The following MAPK10 variants were observed in gnomAD, a reference collection of about 807,000 sequenced individuals.
MAPK10 encodes mitogen-activated protein kinase 10.
A neutral mutation model predicts 59.3 loss-of-function variants in MAPK10; 25 were observed. That is an observed-to-expected ratio of 0.42 (90% CI 0.31 to 0.59). The LOEUF is 0.59. Among genes scored for constraint, MAPK10 ranks in the 20% least tolerant of loss-of-function variants. The pLI is 0.15. For synonymous variants in MAPK10, 190 were observed against 200.5 expected (o/e 0.95, Z 0.44); for missense variants, 351 against 568.9 (o/e 0.62, Z 3.90).
chr4:86,302,055 TTTTA>T (rs1200684930), intron 2 of MAPK10, among the ~76,000 whole-genome samples: 3 of 152,104 alleles, frequency 2.0e-5, no homozygotes, highest in African/African-American at 7.2e-5. Context: ...CCAGTTGCAA[TTTTA>T]TTTTTCTGCT....
intron 2 of MAPK10, among the ~76,000 whole-genome samples, chr4:86,226,195 T>C (rs946771107): frequency 6.6e-6 from 1 of 152,222 alleles, no homozygotes; most frequent in African/African-American, 2.4e-5. Context: ...CTGGCAGGCA[T>C]GATTTTATAG....
chr4:86,546,677 C>T (rs561381489), intron 1 of MAPK10, among the ~76,000 whole-genome samples: 5 of 152,270 alleles, frequency 3.3e-5, no homozygotes, highest in Middle Eastern at 3.4e-3. Context: ...ATGAGGCCAG[C>T]CCTACTCCAA....
chr4:86,249,163 T>C (rs2093282028), intron 2 of MAPK10, among the ~76,000 whole-genome samples: 2 of 151,058 alleles, frequency 1.3e-5, no homozygotes, highest in South Asian at 4.2e-4. Flanking sequence ...CATACATGCA[T>C]ACACACACAC....
rs549013083 is a variant in MAPK10, at chr4:86,144,974, C to T, written c.236+14324G>A. On this transcript the variant is annotated intron_variant, in intron 4 of 13. Transcript: ENST00000641462. ...TAAGTCTAAGTTTCTATTCCCTACC[C>T]GGTAATATGTTTACCAAAAAAAACC... Among the ~76,000 whole-genome samples the T allele has an allele frequency of 5.3e-5, 8 of 150,640 alleles. No homozygotes were observed. In the South Asian group the frequency reaches 8.3e-4, roughly 16 times the overall value.
At chr4:86,553,405 T>C (rs760415720) in intron 1 of MAPK10, among the ~76,000 whole-genome samples, 9 of 152,198 alleles carry the variant, frequency 5.9e-5, no homozygotes, top group East Asian at 1.9e-4. Context: ...TCTGAAAACT[T>C]TGAAAATTAG....
intron 1 of MAPK10, among the ~76,000 whole-genome samples, chr4:86,412,801 C>G (rs999935538): frequency 9.9e-5 from 15 of 152,184 alleles, no homozygotes; most frequent in South Asian, 2.1e-4. Context: ...AGTCATTCAT[C>G]TAACCTTTCT....
At chr4:86,087,954 C>T (rs776708360) in intron 9 of MAPK10, among the ~76,000 whole-genome samples, 9 of 152,012 alleles carry the variant, frequency 5.9e-5, no homozygotes, top group Admixed American at 1.3e-4. Context: ...TAGATTTAGT[C>T]TAATTACACA....
chr4:86,408,528 G>C (rs988819669), intron 1 of MAPK10, among the ~76,000 whole-genome samples: 7 of 152,146 alleles, frequency 4.6e-5, no homozygotes, highest in Non-Finnish European at 8.8e-5. Context: ...CAGTGTAAAA[G>C]TGTTCTTATT....
At chr4:86,483,967 G>T (rs1753788810) in intron 1 of MAPK10, among the ~76,000 whole-genome samples, 1 of 152,142 alleles carries the variant, frequency 6.6e-6, no homozygotes. Context: ...AGGAAGGACA[G>T]TTTTCCAGGC....
intron 2 of MAPK10, among the ~76,000 whole-genome samples, chr4:86,206,452 A>G: frequency 6.6e-6 from 1 of 151,818 alleles, no homozygotes; most frequent in Admixed American, 6.6e-5. Flanking sequence ...TCATTGTTGG[A>G]CATTTGGGTT....
chr4:86,563,919 C>T (rs566881151), intron 1 of MAPK10, among the ~76,000 whole-genome samples: 10 of 152,318 alleles, frequency 6.6e-5, no homozygotes, highest in African/African-American at 2.4e-4. Flanking sequence ...GCCACCTCCA[C>T]CTTCCGTATT....
chr4:86,398,153 GA>G (rs1219114150), intron 1 of MAPK10, among the ~76,000 whole-genome samples: 1 of 149,172 alleles, frequency 6.7e-6, no homozygotes, highest in Non-Finnish European at 1.5e-5. Context: ...AGGTAATGAA[GA>G]AACACTAAAA....
intron 2 of MAPK10, among the ~76,000 whole-genome samples, chr4:86,271,209 T>C (rs899226224): frequency 2.0e-5 from 3 of 152,016 alleles, no homozygotes; most frequent in African/African-American, 7.2e-5. Context: ...ATTTTAGACA[T>C]TCTAGTGTGT....
intron 1 of MAPK10, among the ~76,000 whole-genome samples, chr4:86,401,139 A>G (rs1399326078): frequency 6.6e-6 from 1 of 152,178 alleles, no homozygotes; most frequent in Non-Finnish European, 1.5e-5. Context: ...AATGTACTAC[A>G]GGAAAATAAC....
chr4:86,454,115 C>G (rs1751024871), upstream of MAPK10, among the ~76,000 whole-genome samples: 1 of 152,182 alleles, frequency 6.6e-6, no homozygotes, highest in African/African-American at 2.4e-5. Context: ...AACTGAACAA[C>G]AGCCTTCAGC....
intron 12 of MAPK10, among the ~76,000 whole-genome samples, chr4:86,030,559 C>T (rs995319119): frequency 3.3e-5 from 5 of 152,024 alleles, no homozygotes; most frequent in African/African-American, 4.8e-5. Context: ...TTCTGAACTC[C>T]CGGGCTCAAG....
chr4:86,144,105 G>A (rs974814120), intron 4 of MAPK10, among the ~76,000 whole-genome samples: 1 of 151,944 alleles, frequency 6.6e-6, no homozygotes, highest in Non-Finnish European at 1.5e-5. Flanking sequence ...TGTGTTTAAG[G>A]GGGTAATTTT....
intron 2 of MAPK10, among the ~76,000 whole-genome samples, chr4:86,211,094 C>A (rs1241565383): frequency 2.6e-5 from 4 of 151,770 alleles, no homozygotes; most frequent in African/African-American, 9.7e-5. Context: ...ACCTGTGGAA[C>A]ACCATTAAGT....
At chr4:86,139,444 A>G (rs1322778638) in intron 4 of MAPK10, among the ~76,000 whole-genome samples, 2 of 150,448 alleles carry the variant, frequency 1.3e-5, no homozygotes, top group Non-Finnish European at 3.0e-5. Context: ...AGGATTCCCT[A>G]TTTAATAAAT....
Sources: allele counts gnomAD v4.1 joint callset (sites outside exome capture counted in the v4.1 genomes callset), GRCh38; gene constraint gnomAD v4.1.1; transcripts MANE v1.5; gene names NCBI Gene and HGNC (gene_info 2026-07-23, HGNC 2026-07-21).